The following CDKL5 variants were observed in gnomAD, a reference collection of about 807,000 sequenced individuals.
The protein encoded by CDKL5 is cyclin dependent kinase like 5, also known as cyclin-dependent kinase-like 5.
CDKL5 carries 8 observed loss-of-function variants against 61.7 expected under a neutral mutation model. The observed-to-expected ratio is 0.13, with a 90% CI of 0.08 to 0.23. The LOEUF is 0.23. Ranked by LOEUF, CDKL5 falls within the 10% of genes least tolerant of loss-of-function variation. The pLI, the probability that CDKL5 is intolerant of heterozygous loss-of-function variation, is 1.00. For missense variants in CDKL5, 440 were observed against 734.5 expected (o/e 0.60, Z 4.63); for synonymous variants, 275 against 272.3 (o/e 1.01, Z -0.10).
At chrX:18,525,810 G>T (rs1923416439) in intron 3 of CDKL5, among the ~76,000 whole-genome samples, 1 of 102,507 alleles carries the variant, frequency 9.8e-6, no homozygotes, top group African/African-American at 3.6e-5. Context: ...GCAATGGTGC[G>T]ATCTCGGCCC....
chrX:18,470,622 A>G (rs1313638955), intron 1 of CDKL5, among the ~76,000 whole-genome samples: 2 of 111,261 alleles, frequency 1.8e-5, no homozygotes, highest in African/African-American at 3.3e-5. Context: ...ATCAGACTGT[A>G]CACAATTATA....
chrX:18,628,483 C>A lies in CDKL5; in HGVS notation c.2609C>A (p.Ser870Tyr). The change falls in exon 18 of 18, where the codon TCC (serine) becomes TAC (tyrosine). Residue 870 changes from serine to tyrosine, a missense_variant. Around this residue, in one of 2 missense-constraint regions of CDKL5, gnomAD observed 363 missense variants for 516.3 expected, o/e 0.70. Coordinates refer to ENST00000623535, the MANE Select transcript of CDKL5 (RefSeq NM_001323289.2). Reference sequence around the variant, plus strand: ...TTAACAGCTCAACAAACCAAAAATTCCTTCTCAGAAATTCGGATTCACCCC... The same window carrying A: ...TTAACAGCTCAACAAACCAAAAATTACTTCTCAGAAATTCGGATTCACCCC... ...QPLTAQQTKN[S>Y]FSEIRIHPLS... The A allele has an allele frequency of 8.3e-7, 1 of 1,212,103 alleles. No individual in the cohort carries two copies. Among genetic ancestry groups the A allele is most frequent in the Non-Finnish European group, 1.1e-6 (1 of 895,544 alleles).
At chrX:18,520,395 T>C (rs187050702) in intron 3 of CDKL5, among the ~76,000 whole-genome samples, 89 of 112,474 alleles carry the variant, frequency 7.9e-4, no homozygotes, top group African/African-American at 2.8e-3. Context: ...TTATCCACGT[T>C]GTAGCATGTA....
At chrX:18,484,387 G>A (rs1032836019) in intron 1 of CDKL5, among the ~76,000 whole-genome samples, 4 of 110,077 alleles carry the variant, frequency 3.6e-5, no homozygotes, top group Non-Finnish European at 7.6e-5. Flanking sequence ...GCGCGATCTC[G>A]GCTCGCTGTA....
chrX:18,577,996 G>A (rs1481509636), intron 5 of CDKL5, among the ~76,000 whole-genome samples: 1 of 112,082 alleles, frequency 8.9e-6, no homozygotes, highest in Non-Finnish European at 1.9e-5. Context: ...ATAAAGGTAG[G>A]GTCAAGGCCT....
intron 3 of CDKL5, among the ~76,000 whole-genome samples, chrX:18,558,439 G>C (rs763314413): frequency 9.0e-6 from 1 of 111,137 alleles, no homozygotes; most frequent in Non-Finnish European, 1.9e-5. Flanking sequence ...CGCATCTCAG[G>C]GTGGTGGTAG....
At chrX:18,578,142 CT>C (rs1338428709) in intron 5 of CDKL5, among the ~76,000 whole-genome samples, 2 of 111,973 alleles carry the variant, frequency 1.8e-5, no homozygotes, top group African/African-American at 6.5e-5. Flanking sequence ...ATTGGACATG[CT>C]TATCCCCACT....
At chrX:18,622,406 T>G (rs1210008861) in intron 16 of CDKL5, among the ~76,000 whole-genome samples, 2 of 112,189 alleles carry the variant, frequency 1.8e-5, no homozygotes, top group African/African-American at 6.5e-5. Context: ...CTTTGGGATT[T>G]CCAAAGAGCG....
chrX:18,489,416 C>T (rs1921912392), intron 1 of CDKL5, among the ~76,000 whole-genome samples: 1 of 110,754 alleles, frequency 9.0e-6, no homozygotes, highest in East Asian at 2.9e-4. Flanking sequence ...CCGCCTCAGC[C>T]TCCCAAAGTG....
rs1244059097 is a variant in CDKL5, at chrX:18,647,321, G to C, written c.2797+1231G>C. 5 of 1,210,690 alleles carry C rather than the reference G, an allele frequency of 4.1e-6. No homozygotes were observed. The highest frequency in any genetic ancestry group is 2.4e-4 in the Middle Eastern group (1 of 4,124). On this transcript the variant is annotated intron_variant, in intron 20 of 21. Coordinates refer to the CDKL5 transcript ENST00000379989. The stretch of plus-strand genomic sequence containing the variant: ...CCTGACTCGAAACCCAGAGGCTTGT[G>C]ATATGGGCATTCTGGGAAAGGAAAA...
chrX:18,632,606 A>G lies in CDKL5; in HGVS notation c.*3849A>G, dbSNP rs899780093. ...GCTGTTATAGAAGTATTTGTGCTGTATGCTTTGGTTAAATCTGTTTTAAAA... is the reference window on the plus strand; with the variant it reads ...GCTGTTATAGAAGTATTTGTGCTGTGTGCTTTGGTTAAATCTGTTTTAAAA... On this transcript the variant is annotated 3_prime_UTR_variant, in exon 18 of 18. Coordinates refer to ENST00000623535, the MANE Select transcript of CDKL5 (RefSeq NM_001323289.2). 1 of 754,817 alleles carries G rather than the reference A, an allele frequency of 1.3e-6. No individual in the cohort carries two copies. Among genetic ancestry groups the G allele is most frequent in the Non-Finnish European group, 1.6e-6 (1 of 639,454 alleles). The allele number at this position is 754,817 out of a possible 1,213,427, so 62.2% of individuals were successfully genotyped here.
intron 1 of CDKL5, among the ~76,000 whole-genome samples, chrX:18,496,725 T>C (rs1481116399): frequency 8.9e-6 from 1 of 112,141 alleles, no homozygotes; most frequent in Non-Finnish European, 1.9e-5. Context: ...CATTATACTT[T>C]ATACTAGGTT....
intron 14 of CDKL5, among the ~76,000 whole-genome samples, chrX:18,612,193 G>A (rs1353226428): frequency 8.1e-5 from 9 of 111,500 alleles, no homozygotes; most frequent in Admixed American, 3.8e-4. Flanking sequence ...GTTTAAAAAC[G>A]AGTGATACTA....
At chrX:18,469,697 T>G (rs1455262703) in intron 1 of CDKL5, among the ~76,000 whole-genome samples, 3 of 111,305 alleles carry the variant, frequency 2.7e-5, no homozygotes. Context: ...CAGTGTCTAG[T>G]TCAGGATTTG....
At position 18,628,649 on chromosome X, in the gene CDKL5, C is replaced by G. The variant is rs1163363046; in HGVS notation, c.2775C>G (p.Ser925=). ...CCAGGAGTGCCACAGAGGGCCCTTC[C>G]TACTCTGAACAGCTGGGTGCCAAAA... ...SVTRSATEGP[S]YSEQLGAKSG... The change falls in exon 18 of 18, where the codon TCC becomes TCG. Residue 925 remains serine (S), a synonymous_variant. Coordinates refer to ENST00000623535, the MANE Select transcript of CDKL5 (RefSeq NM_001323289.2). The G allele has an allele frequency of 1.7e-6, 2 of 1,207,143 alleles. No individual in the cohort carries two copies. Among genetic ancestry groups the G allele is most frequent in the African/African-American group, 3.5e-5 (2 of 57,150 alleles).
chrX:18,607,939 T>C (rs1192750281), intron 12 of CDKL5, among the ~76,000 whole-genome samples: 1 of 112,151 alleles, frequency 8.9e-6, no homozygotes, highest in Non-Finnish European at 1.9e-5. Flanking sequence ...AATCATATTT[T>C]AAATCTTAAA....
intron 1 of CDKL5, among the ~76,000 whole-genome samples, chrX:18,438,038 G>A (rs1327590786): frequency 8.9e-6 from 1 of 111,820 alleles, no homozygotes; most frequent in East Asian, 2.8e-4. Context: ...GGCTTGAATT[G>A]AGTTCGCTTT....
rs267608611 is a variant in CDKL5, at chrX:18,604,120, A to C, written c.1196A>C (p.Asn399Thr). 15 of 1,209,798 alleles carry C rather than the reference A, an allele frequency of 1.2e-5. No individual in the cohort carries two copies. The highest frequency in any genetic ancestry group is 1.6e-5 in the Non-Finnish European group (14 of 895,203). The change falls in exon 12 of 18, where the codon AAC (asparagine) becomes ACC (threonine). Residue 399 changes from asparagine (N) to threonine (T), a missense_variant. By Grantham distance (65) the Asn-to-Thr change is moderately conservative. Coordinates refer to ENST00000623535, the MANE Select transcript of CDKL5 (RefSeq NM_001323289.2). ...QPGSTSKDLT[N>T]NNIPHLLSPK... is the part of the protein sequence containing the mutation. ...GGGTCTACCAGCAAAGATCTCACCA[A>C]CAACAACATACCACACCTTCTTAGC...
chrX:18,570,554 G>A (rs1925104698), intron 4 of CDKL5, among the ~76,000 whole-genome samples: 1 of 111,157 alleles, frequency 9.0e-6, no homozygotes, highest in Non-Finnish European at 1.9e-5. Flanking sequence ...TTTGATCAAG[G>A]ATGGGTTGAT....
Sources: allele counts gnomAD v4.1 joint callset (sites outside exome capture counted in the v4.1 genomes callset), GRCh38; gene constraint gnomAD v4.1.1; regional missense constraint gnomAD v4.1.1; transcripts MANE v1.5; gene names NCBI Gene and HGNC (gene_info 2026-07-23, HGNC 2026-07-21).